ITPR3: variants seen among roughly 807,000 people sequenced by gnomAD.
ITPR3 encodes the protein inositol 1,4,5-trisphosphate-gated calcium channel ITPR3.
A neutral mutation model predicts 293.2 loss-of-function variants in ITPR3; 173 were observed. That is an observed-to-expected ratio of 0.59 (90% CI 0.52 to 0.67). ITPR3 has a LOEUF of 0.67. ITPR3 is among the 30% of genes least tolerant of loss of function. ITPR3 has a pLI of 0.00. For synonymous variants in ITPR3, 1,295 were observed against 1,444.4 expected, an observed-to-expected ratio of 0.90 and a Z score of 2.35; for missense variants, 2,796 against 3,592.1, an observed-to-expected ratio of 0.78 and a Z score of 5.66.
intron 13 of ITPR3, among the ~76,000 whole-genome samples, chr6:33,665,447 G>C (rs190940425): frequency 1.1e-4 from 17 of 152,346 alleles, no homozygotes; most frequent in Admixed American, 1.1e-3. Context: ...CTGGTCTCAA[G>C]GCCAGTTATG....
In ITPR3 at chr6:33,675,971, G is replaced by T. The variant is rs1357076613; in HGVS notation, c.3282+115G>T. On this transcript the variant is annotated intron_variant, in intron 25 of 57. Coordinates refer to ENST00000605930, the MANE Select transcript of ITPR3 (RefSeq NM_002224.4). This position sits in a 1 kb window ranked among gnomAD's most constrained non-coding sequence, Gnocchi z 5.0. ...AAGGGGTAACTTGGGATGCCCATTT[G>T]GGGTTTTCAGCCTTGCTGAGTTCCT... 14 of 1,270,792 alleles carry T rather than the reference G, an allele frequency of 1.1e-5. No homozygotes were observed. In the East Asian group the frequency reaches 3.5e-4, roughly 31 times the overall value. The allele number at this position is 1,270,792 out of a possible 1,614,324, so 78.7% of individuals were successfully genotyped here.
In ITPR3 at chr6:33,621,725, A is replaced by G. The variant is rs769851987; in HGVS notation, c.89+34A>G. The G allele has an allele frequency of 1.3e-6, 2 of 1,528,026 alleles. No individual in the cohort carries two copies. Among genetic ancestry groups the G allele is most frequent in the Middle Eastern group, 3.4e-4 (2 of 5,912 alleles). The allele number at this position is 1,528,026 out of a possible 1,614,324, so 94.7% of individuals were successfully genotyped here. On this transcript the variant is annotated intron_variant, in intron 1 of 57. Transcript: ENST00000605930. The surrounding 1 kb of genome is among the most constrained non-coding windows in gnomAD (Gnocchi z 7.7). ...GCCGAGCTCGAGAGGGGCGCGGGTA[A>G]AGAGGGGGCGCCGTGGGCCCTGGTG...
chr6:33,646,258 T>G (rs1409640931), intron 2 of ITPR3, among the ~76,000 whole-genome samples: 2 of 152,132 alleles, frequency 1.3e-5, no homozygotes, highest in East Asian at 3.9e-4. Context: ...TTTCCCCTTC[T>G]CCAGGGGCAA....
At chr6:33,681,579 C>A (rs1765078653) in intron 33 of ITPR3, among the ~76,000 whole-genome samples, 1 of 152,170 alleles carries the variant, frequency 6.6e-6, no homozygotes, top group Admixed American at 6.5e-5. Context: ...GAGCCAGGTT[C>A]CCTTAAGGAA....
rs1465926218 is a variant in ITPR3, at chr6:33,686,121, C to T, written c.5736C>T (p.Asp1912=). The change falls in exon 42 of 58, where the codon GAC becomes GAT. Residue 1912 remains aspartate (D), a synonymous_variant. Transcript: ENST00000605930. ...TATGCGAGACGCTGCAGTTCCTGGA[C>T]ATCATGTGCGGCAGCACCACGGGCG... is the stretch of plus-strand genomic sequence containing the variant. ...NLVCETLQFL[D]IMCGSTTGGL... is the part of the protein sequence containing the mutation. 6.2e-7 allele frequency: 1 copy of T among 1,614,080 alleles called. No individual in the cohort carries two copies. Among genetic ancestry groups the T allele is most frequent in the Non-Finnish European group, 8.5e-7 (1 of 1,180,048 alleles).
chr6:33,654,940 C>T lies in ITPR3; in HGVS notation c.161-826C>T, dbSNP rs1242566406. Among the ~76,000 whole-genome samples, 1 of 152,248 alleles carries T rather than the reference C, an allele frequency of 6.6e-6. No individual in the cohort carries two copies. The highest frequency in any genetic ancestry group is 1.9e-4 in the East Asian group (1 of 5,200). On this transcript the variant is annotated intron_variant, in intron 2 of 57. Transcript: ENST00000605930. The surrounding 1 kb of genome is among the most constrained non-coding windows in gnomAD (Gnocchi z 4.1). Reference sequence around the variant, plus strand: ...AGCTTTCGAACAGGCTTTTCCAACTCCTGCCTCCTTTGGATAAGCAGAAAA... The same window carrying T: ...AGCTTTCGAACAGGCTTTTCCAACTTCTGCCTCCTTTGGATAAGCAGAAAA...
intron 25 of ITPR3, 98 bp from the exon 26 acceptor site, chr6:33,676,670 A>G (rs1399442978): frequency 4.2e-6 from 6 of 1,415,664 alleles, no homozygotes; most frequent in Admixed American, 1.9e-5. Context: ...GTGGTGGTCT[A>G]CAGGAGGGGA....
At chr6:33,674,312 G>C in intron 24 of ITPR3, 47 bp downstream of exon 24, 1 of 1,578,094 alleles carries the variant, frequency 6.3e-7, no homozygotes, top group South Asian at 1.1e-5. Flanking sequence ...TGGGAGGCTC[G>C]ACACCCCCTC....
rs992639806 is a variant in ITPR3 at position 33,682,184 on chromosome 6, A to G, written c.4477-340A>G. Among the ~76,000 whole-genome samples, 1 of 152,210 alleles carries G rather than the reference A, an allele frequency of 6.6e-6. No homozygotes were observed. Among genetic ancestry groups the G allele is most frequent in the Non-Finnish European group, 1.5e-5 (1 of 68,042 alleles). On this transcript the variant is annotated intron_variant, in intron 33 of 57. Transcript: ENST00000605930. This position sits in a 1 kb window ranked among gnomAD's most constrained non-coding sequence, Gnocchi z 5.4. ...CGTGTGAGCCACTGCGCCCAGCCTC[A>G]AAGTGTTATCTTTTAAATAACCTTT...
chr6:33,641,642 G>A (rs1763954681), intron 2 of ITPR3, among the ~76,000 whole-genome samples: 2 of 151,916 alleles, frequency 1.3e-5, no homozygotes, highest in Admixed American at 6.6e-5. Context: ...TACACCGTTG[G>A]CCCCTGCTGC....
Position 33,670,581 on chromosome 6 carries a change from GA to G in ITPR3, c.2441+6del, listed in dbSNP as rs766911872. On this transcript the variant is annotated splice_donor_region_variant and intron_variant, in intron 19 of 57. Transcript: ENST00000605930. The surrounding 1 kb of genome is among the most constrained non-coding windows in gnomAD (Gnocchi z 6.7). ...CACAGCCATCACCATCAAGGAGTGA[GA>G]GGGGTGGAGGCAGGGTGGGCGGGGC... is the stretch of plus-strand genomic sequence containing the variant. 6.2e-7 allele frequency: 1 copy of G among 1,611,676 alleles called. No homozygotes were observed. The highest frequency in any genetic ancestry group is 8.5e-7 in the Non-Finnish European group (1 of 1,179,008).
At chr6:33,647,495 C>T (rs1764095347) in intron 2 of ITPR3, among the ~76,000 whole-genome samples, 2 of 152,118 alleles carry the variant, frequency 1.3e-5, no homozygotes, top group Non-Finnish European at 2.9e-5. Context: ...AAACTCAGTA[C>T]CCATTAAACA....
Position 33,663,509 on chromosome 6 carries a change from A to G in ITPR3, c.964A>G (p.Ser322Gly), listed in dbSNP as rs1213606892. 6.2e-7 allele frequency: 1 copy of G among 1,606,128 alleles called. No homozygotes were observed. Among genetic ancestry groups the G allele is most frequent in the African/African-American group, 1.3e-5 (1 of 74,824 alleles). The stretch of plus-strand genomic sequence containing the variant: ...TTGTATCTCTGTCCAGGAGAACCCC[A>G]GTTACAAAGGTGATGCCTCAGATCC... Reference protein sequence around the residue: ...GNYLAAEENPSYKGDASDPKA... With the variant: ...GNYLAAEENPGYKGDASDPKA... Residue 322 changes from serine (S) to glycine (G), a missense_variant, in exon 10 of 58, where the codon AGT becomes GGT. Coordinates refer to ENST00000605930, the MANE Select transcript of ITPR3 (RefSeq NM_002224.4).
In ITPR3 at chr6:33,667,237, C is replaced by T. The variant is rs201327664; in HGVS notation, c.1660C>T (p.Arg554Cys). ...QKNAPYQHMF[R>C]LCYRVLRHSQ... is the part of the protein sequence containing the mutation. ...GAACGCCCCCTACCAGCACATGTTCCGCCTGTGCTACCGCGTGTTGCGGCA... is the reference window on the plus strand; with the variant it reads ...GAACGCCCCCTACCAGCACATGTTCTGCCTGTGCTACCGCGTGTTGCGGCA... Residue 554 changes from arginine (R) to cysteine (C), a missense_variant, in exon 15 of 58, where the codon CGC becomes TGC. By Grantham distance (180) the Arg-to-Cys change is radical. Coordinates refer to ENST00000605930, the MANE Select transcript of ITPR3 (RefSeq NM_002224.4). The surrounding 1 kb of genome is among the most constrained non-coding windows in gnomAD (Gnocchi z 4.4). The T allele has an allele frequency of 2.9e-5, 47 of 1,613,674 alleles. No individual in the cohort carries two copies. The highest frequency in any genetic ancestry group is 3.4e-5 in the Non-Finnish European group (40 of 1,180,026).
chr6:33,686,454 G>A lies in ITPR3; in HGVS notation c.5914G>A (p.Ala1972Thr), dbSNP rs751533322. ...HESNGIDIITALILNDISPLC... is the reference protein window; with the variant it reads ...HESNGIDIITTLILNDISPLC... ...GTCCAATGGCATAGACATCATCACC[G>A]CACTGATCCTCAATGACATCAGCCC... is the stretch of plus-strand genomic sequence containing the variant. The change falls in exon 43 of 58, where the codon GCA (alanine) becomes ACA (threonine). Residue 1972 changes from alanine (A) to threonine (T), a missense_variant. Ala to Thr is a moderately conservative substitution (Grantham distance 58). Around this residue, in one of 8 missense-constraint regions of ITPR3, gnomAD observed 704 missense variants for 797.5 expected, o/e 0.88. Coordinates refer to ENST00000605930, the MANE Select transcript of ITPR3 (RefSeq NM_002224.4). 6.8e-6 allele frequency: 11 copies of A among 1,614,088 alleles called. No individual in the cohort carries two copies. The highest frequency in any genetic ancestry group is 1.1e-5 in the South Asian group (1 of 91,090).
Position 33,671,188 on chromosome 6 carries a change from C to T in ITPR3, c.2610C>T (p.Leu870=). Reference sequence around the variant, plus strand: ...AGGTGGTCAGCCTGGCGCACAATCTCATCTACTTCGGCTTCTACAGCTTCA... The same window carrying T: ...AGGTGGTCAGCCTGGCGCACAATCTTATCTACTTCGGCTTCTACAGCTTCA... ...TFEVVSLAHN[L]IYFGFYSFSE... is the part of the protein sequence containing the mutation. The change falls in exon 21 of 58, where the codon CTC becomes CTT. Residue 870 remains leucine, a synonymous_variant. Transcript: ENST00000605930. 1.2e-6 allele frequency: 2 copies of T among 1,613,844 alleles called. No individual in the cohort carries two copies. Among genetic ancestry groups the T allele is most frequent in the Non-Finnish European group, 1.7e-6 (2 of 1,179,946 alleles).
chr6:33,670,145 G>A lies in ITPR3; in HGVS notation c.2190-180G>A, dbSNP rs1348519803. Among the ~76,000 whole-genome samples, 3 of 152,154 alleles carry A rather than the reference G, an allele frequency of 2.0e-5. No individual in the cohort carries two copies. Among genetic ancestry groups the A allele is most frequent in the African/African-American group, 7.2e-5 (3 of 41,448 alleles). ...AGCCTTAGCCAGGAGGGGGAGAATT[G>A]CAAGTACTGGTTATCACAGACAGGT... On this transcript the variant is annotated intron_variant, in intron 18 of 57. Transcript: ENST00000605930. The surrounding 1 kb of genome is among the most constrained non-coding windows in gnomAD (Gnocchi z 6.7).
Position 33,690,121 on chromosome 6 carries a change from G to T in ITPR3, c.6955G>T (p.Glu2319Ter). The T allele has an allele frequency of 6.2e-7, 1 of 1,614,150 alleles. No individual in the cohort carries two copies. The highest frequency in any genetic ancestry group is 8.5e-7 in the Non-Finnish European group (1 of 1,180,028). The change falls in exon 51 of 58, where the codon GAA (glutamate) becomes TAA (stop). Residue 2319 changes from glutamate to a stop codon, truncating the protein, a stop_gained. Transcript: ENST00000605930. LOFTEE classifies it high-confidence loss of function. ...CTATAAGGCCATGGTCATGGACATG[G>T]AATTCCTCTACCACGTGGGCTACAT... ...RGYKAMVMDM[E>*]FLYHVGYILT...
chr6:33,663,023 G>C lies in ITPR3; in HGVS notation c.954+17G>C. 6.3e-7 allele frequency: 1 copy of C among 1,577,310 alleles called. No homozygotes were observed. Among genetic ancestry groups the C allele is most frequent in the Non-Finnish European group, 8.6e-7 (1 of 1,158,762 alleles). ...GCTGCTGAGGTGAGCGGGAGGTAGA[G>C]GGCATGCTGGGGCTCGTGTGTGCAT... On this transcript the variant is annotated intron_variant, in intron 9 of 57. Coordinates refer to ENST00000605930, the MANE Select transcript of ITPR3 (RefSeq NM_002224.4).
Sources: allele counts gnomAD v4.1 joint callset (sites outside exome capture counted in the v4.1 genomes callset), GRCh38; gene constraint gnomAD v4.1.1; regional missense constraint gnomAD v4.1.1; non-coding constraint Gnocchi (gnomAD v3.1); transcripts MANE v1.5; gene names NCBI Gene and HGNC (gene_info 2026-07-23, HGNC 2026-07-21).